The following HLCS variants were observed in gnomAD, a reference collection of about 807,000 sequenced individuals.
HLCS encodes biotin--protein ligase.
A neutral mutation model predicts 75.0 loss-of-function variants in HLCS; 53 were observed. The observed-to-expected ratio is 0.71, with a 90% CI of 0.57 to 0.89. HLCS has a LOEUF of 0.89. Ranked by LOEUF, HLCS falls within the 40% of genes least tolerant of loss-of-function variation. The pLI, the probability that HLCS is intolerant of heterozygous loss-of-function variation, is 0.00. For missense variants in HLCS, 966 were observed against 1,074.0 expected (o/e 0.90, Z 1.41); for synonymous variants, 431 against 428.6 (o/e 1.01, Z -0.07).
At chr21:36,839,463 T>C (rs2062541467) in intron 6 of HLCS, among the ~76,000 whole-genome samples, 1 of 152,188 alleles carries the variant, frequency 6.6e-6, no homozygotes. Flanking sequence ...TAAACATAAG[T>C]ACGCTTTGCT....
At position 36,912,830 on chromosome 21, in the gene HLCS, C is replaced by T. The variant is rs184701446; in HGVS notation, c.1621-15699G>A. Among the ~76,000 whole-genome samples the T allele has an allele frequency of 6.6e-5, 10 of 152,200 alleles. No individual in the cohort carries two copies. The East Asian group carries it at 1.2e-3, about 18-fold the overall frequency. On this transcript the variant is annotated intron_variant, in intron 5 of 10. Transcript: ENST00000674895. The stretch of plus-strand genomic sequence containing the variant: ...CAAAGGGACAGCTTGCACAGGCAAC[C>T]GAGGGGTCTCGCTGTGCTCTCCTCT...
chr21:36,950,579 C>T (rs563231829), intron 2 of HLCS, among the ~76,000 whole-genome samples: 185 of 152,088 alleles, frequency 1.2e-3, no homozygotes, highest in Middle Eastern at 6.8e-3. Flanking sequence ...AAGCAATCCT[C>T]CCACCTCAGC....
intron 6 of HLCS, among the ~76,000 whole-genome samples, chr21:36,839,099 G>A (rs377175061): frequency 9.8e-5 from 15 of 152,352 alleles, no homozygotes; most frequent in African/African-American, 3.6e-4. Flanking sequence ...CGTCTTTAGA[G>A]CAATCTAAGC....
At chr21:36,935,952 T>C (rs1409974023) in intron 4 of HLCS, among the ~76,000 whole-genome samples, 1 of 152,206 alleles carries the variant, frequency 6.6e-6, no homozygotes, top group Admixed American at 6.5e-5. Context: ...AAGAAAGGAA[T>C]TGGGAACCTG....
intron 6 of HLCS, among the ~76,000 whole-genome samples, chr21:36,816,409 AT>A (rs979936585): frequency 4.6e-5 from 7 of 151,674 alleles, no homozygotes; most frequent in African/African-American, 9.7e-5. Flanking sequence ...AAAAAAAAAA[AT>A]GTGACTGTCA....
chr21:36,988,510 A>G (rs939589896), intron 1 of HLCS, among the ~76,000 whole-genome samples: 2 of 152,206 alleles, frequency 1.3e-5, no homozygotes, highest in Non-Finnish European at 2.9e-5. Flanking sequence ...TGCTGCAATG[A>G]GTGACCTTGT....
intron 5 of HLCS, among the ~76,000 whole-genome samples, chr21:36,926,792 G>T (rs912825628): frequency 6.7e-6 from 1 of 148,826 alleles, no homozygotes; most frequent in Non-Finnish European, 1.5e-5. Flanking sequence ...GCCCAGGCTG[G>T]AGTGCAGTGG....
chr21:36,825,570 C>T (rs2146023444), intron 6 of HLCS, among the ~76,000 whole-genome samples: 2 of 152,080 alleles, frequency 1.3e-5, no homozygotes, highest in Admixed American at 1.3e-4. Context: ...TTCTTGTTTC[C>T]ATTAAAATGC....
chr21:36,782,100 C>A (rs2060553055), intron 6 of HLCS, among the ~76,000 whole-genome samples: 1 of 152,006 alleles, frequency 6.6e-6, no homozygotes, highest in Admixed American at 6.6e-5. Context: ...TGCATTGATG[C>A]TCATTAGTGA....
At chr21:36,781,740 C>A (rs951150608) in intron 6 of HLCS, among the ~76,000 whole-genome samples, 2 of 152,030 alleles carry the variant, frequency 1.3e-5, no homozygotes, top group African/African-American at 4.8e-5. Flanking sequence ...ACCTTTAGTA[C>A]AATGCCAAAC....
chr21:36,983,590 C>A (rs1372225452), intron 1 of HLCS, among the ~76,000 whole-genome samples: 1 of 151,918 alleles, frequency 6.6e-6, no homozygotes, highest in Admixed American at 6.6e-5. Context: ...GTAATCCCAA[C>A]ACTTTGGGAG....
intron 6 of HLCS, among the ~76,000 whole-genome samples, chr21:36,849,192 A>G (rs1417132870): frequency 6.6e-6 from 1 of 152,218 alleles, no homozygotes; most frequent in East Asian, 1.9e-4. Flanking sequence ...TTACATGCCT[A>G]GTTTGGCCCA....
At chr21:36,924,791 G>A (rs1368078979) in intron 5 of HLCS, among the ~76,000 whole-genome samples, 2 of 152,158 alleles carry the variant, frequency 1.3e-5, no homozygotes, top group Non-Finnish European at 2.9e-5. Flanking sequence ...GCAAGGGCTT[G>A]TACTTAGTAG....
intron 6 of HLCS, among the ~76,000 whole-genome samples, chr21:36,895,976 A>C (rs940419572): frequency 6.6e-6 from 1 of 152,174 alleles, no homozygotes; most frequent in Non-Finnish European, 1.5e-5. Context: ...ATCAGAGTCT[A>C]TGTAACAGAA....
Position 36,806,546 on chromosome 21 carries a change from G to A in HLCS, c.1893-39261C>T, listed in dbSNP as rs114850197. ...ACCGCACAGCAAAAAAGTGGTTGCCGGGCTAGAAGCAAGATGGAAAGATGA... is the reference window on the plus strand; with the variant it reads ...ACCGCACAGCAAAAAAGTGGTTGCCAGGCTAGAAGCAAGATGGAAAGATGA... On this transcript the variant is annotated intron_variant, in intron 6 of 10. Coordinates refer to ENST00000674895, the MANE Select transcript of HLCS (RefSeq NM_001352514.2). Among the ~76,000 whole-genome samples the A allele has an allele frequency of 4.8e-3, 731 of 152,198 alleles. 2 individuals carry two copies. The highest frequency in any genetic ancestry group is 0.016 in the African/African-American group (670 of 41,520).
At position 36,911,804 on chromosome 21, in the gene HLCS, C is replaced by G. The variant is rs2065727349; in HGVS notation, c.1621-14673G>C. ...ACAGAGAGGGCCGGGCGCGGTGGCT[C>G]TCACCTGTACTCCCAACACTTTGGG... On this transcript the variant is annotated intron_variant, in intron 5 of 10. Coordinates refer to ENST00000674895, the MANE Select transcript of HLCS (RefSeq NM_001352514.2). Among the ~76,000 whole-genome samples the G allele has an allele frequency of 2.7e-5, 4 of 147,948 alleles. No homozygotes were observed. In the Admixed American group the frequency reaches 2.7e-4, roughly 10 times the overall value.
intron 6 of HLCS, among the ~76,000 whole-genome samples, chr21:36,836,247 G>A (rs1483364145): frequency 6.6e-6 from 1 of 152,082 alleles, no homozygotes; most frequent in African/African-American, 2.4e-5. Flanking sequence ...AGGAGCAAGA[G>A]CTACACTTAC....
rs761549990 is a variant in HLCS, at chr21:36,793,295, C to CTTTTTTTTTTTT, written c.1893-26022_1893-26011dup. On this transcript the variant is annotated intron_variant, in intron 6 of 10. Transcript: ENST00000674895. ...AGAACACGGGACAGCAGGAAGCAGT[C>CTTTTTTTTTTTT]TTTTTTTTTTTTTTTTTTGAGATAG... Among the ~76,000 whole-genome samples the CTTTTTTTTTTTT allele has an allele frequency of 1.3e-3, 146 of 116,228 alleles. 4 individuals carry two copies. The highest frequency in any genetic ancestry group is 4.7e-3 in the Middle Eastern group (1 of 214). The allele number at this position is 116,228 out of a possible 152,430, so 76.3% of individuals were successfully genotyped here.
chr21:36,962,059 G>A lies in HLCS; in HGVS notation c.307C>T (p.Gln103Ter). The A allele has an allele frequency of 1.6e-6, 2 of 1,289,310 alleles. No individual in the cohort carries two copies. Among genetic ancestry groups the A allele is most frequent in the Non-Finnish European group, 2.0e-6 (2 of 988,618 alleles). The allele number at this position is 1,289,310 out of a possible 1,614,324, so 79.9% of individuals were successfully genotyped here. Residue 103 changes from glutamine to a stop codon, truncating the protein, a stop_gained, in exon 2 of 11, where the codon CAG becomes TAG. Coordinates refer to ENST00000674895, the MANE Select transcript of HLCS (RefSeq NM_001352514.2). LOFTEE classifies it high-confidence loss of function. ...ACTGTTTCTGAAGAGGATGATCTCT[G>A]TAAATTCTCACTTTGTACCCAAATG... is the stretch of plus-strand genomic sequence containing the variant. ...ESIWVQSENL[Q>*]RSSSSETIVK...
Sources: gnomAD v4.1 joint callset for allele counts (sites outside exome capture counted in the v4.1 genomes callset) on GRCh38, gnomAD v4.1.1 for gene constraint, MANE v1.5 for transcripts, NCBI Gene and HGNC (gene_info 2026-07-23, HGNC 2026-07-21) for gene names.